Variants in PID1 observed in about 807,000 individuals in gnomAD.
PID1 encodes the protein phosphotyrosine interaction domain containing 1.
In PID1, 10 loss-of-function variants were observed where a neutral mutation model predicts 19.1. That is an observed-to-expected ratio of 0.52 (90% CI 0.32 to 0.89). The LOEUF (loss-of-function observed/expected upper bound fraction) is 0.89, where lower values mean the gene tolerates loss of function less well. Among genes scored for constraint, PID1 ranks in the 40% least tolerant of loss-of-function variants. The pLI is 0.03. For synonymous variants in PID1, 130 were observed against 116.0 expected (o/e 1.12, Z -0.78); for missense variants, 248 against 285.3 (o/e 0.87, Z 0.94).
chr2:229,237,227 A>G (rs1361401382), intron 1 of PID1, among the ~76,000 whole-genome samples: 2 of 152,198 alleles, frequency 1.3e-5, no homozygotes, highest in African/African-American at 2.4e-5. Context: ...CTTTCTGTGA[A>G]TATGTTCAAG....
At chr2:229,147,830 G>T (rs1690166522) in intron 2 of PID1, among the ~76,000 whole-genome samples, 1 of 152,126 alleles carries the variant, frequency 6.6e-6, no homozygotes, top group Admixed American at 6.6e-5. Flanking sequence ...CAAAAGTTGG[G>T]CTTTAATGTC....
intron 2 of PID1, among the ~76,000 whole-genome samples, chr2:229,051,651 A>C (rs186022971): frequency 6.6e-4 from 100 of 152,312 alleles, no homozygotes; most frequent in African/African-American, 2.3e-3. Context: ...TTTAAAGCTA[A>C]CAGTCCATTA....
chr2:229,094,820 T>C (rs938605421), intron 2 of PID1, among the ~76,000 whole-genome samples: 8 of 151,788 alleles, frequency 5.3e-5, no homozygotes, highest in Non-Finnish European at 1.5e-5. Context: ...AAAGGCCTAA[T>C]ATCTACAAGA....
intron 1 of PID1, among the ~76,000 whole-genome samples, chr2:229,159,908 G>C (rs1690458082): frequency 6.6e-6 from 1 of 152,144 alleles, no homozygotes; most frequent in Non-Finnish European, 1.5e-5. Flanking sequence ...ACAGGGGACA[G>C]TGGTCTGGAA....
At chr2:229,069,131 C>T (rs558010700) in intron 2 of PID1, among the ~76,000 whole-genome samples, 3 of 94,342 alleles carry the variant, frequency 3.2e-5, no homozygotes, top group Admixed American at 1.2e-4. Flanking sequence ...CTTTCTTTAA[C>T]GAGAAGGGTT....
At chr2:229,210,525 CAA>C (rs1170895327) in intron 1 of PID1, among the ~76,000 whole-genome samples, 14 of 15,546 alleles carry the variant, frequency 9.0e-4, no homozygotes, top group South Asian at 6.8e-3. Context: ...AGTTTTGTCT[CAA>C]AAAAAAAAAA....
intron 1 of PID1, among the ~76,000 whole-genome samples, chr2:229,206,168 C>A (rs1260463363): frequency 6.6e-6 from 1 of 151,756 alleles, no homozygotes; most frequent in Non-Finnish European, 1.5e-5. Flanking sequence ...TCGGATTCAT[C>A]TGAAGCCACA....
intron 2 of PID1, among the ~76,000 whole-genome samples, chr2:229,133,385 C>T (rs1224642279): frequency 6.6e-6 from 1 of 152,228 alleles, no homozygotes; most frequent in Admixed American, 6.5e-5. Flanking sequence ...CTCTTCATTC[C>T]CTGTGACTTG....
chr2:229,110,108 T>C (rs1354981435), intron 2 of PID1, among the ~76,000 whole-genome samples: 2 of 152,200 alleles, frequency 1.3e-5, no homozygotes, highest in Non-Finnish European at 2.9e-5. Context: ...TGTAACCTAG[T>C]AGTACTCTTA....
At chr2:229,149,062 C>T (rs2106188833) in intron 2 of PID1, among the ~76,000 whole-genome samples, 1 of 149,392 alleles carries the variant, frequency 6.7e-6, no homozygotes, top group African/African-American at 2.4e-5. Context: ...ATATTAGATT[C>T]TATGTAAATT....
intron 1 of PID1, among the ~76,000 whole-genome samples, chr2:229,162,406 T>G (rs533667448): frequency 1.3e-5 from 2 of 152,256 alleles, no homozygotes; most frequent in Non-Finnish European, 2.9e-5. Flanking sequence ...AGGCAAAGCC[T>G]GCTTAATGTT....
intron 2 of PID1, among the ~76,000 whole-genome samples, chr2:229,130,363 G>C (rs1241441003): frequency 6.6e-6 from 1 of 152,170 alleles, no homozygotes; most frequent in Non-Finnish European, 1.5e-5. Flanking sequence ...GTGATGCCTG[G>C]GGGACAGTGA....
chr2:229,227,376 C>G (rs1414170476), intron 1 of PID1, among the ~76,000 whole-genome samples: 3 of 152,232 alleles, frequency 2.0e-5, no homozygotes, highest in African/African-American at 7.2e-5. Context: ...TTCATCATCA[C>G]AGATAGTTCT....
chr2:229,031,215 C>CAAAAAAAAAAAAA (rs3083804), intron 2 of PID1, among the ~76,000 whole-genome samples: 28 of 68,396 alleles, frequency 4.1e-4, no homozygotes, highest in African/African-American at 1.1e-3. Context: ...GACTCTGTCT[C>CAAAAAAAAAAAAA]AAAAAAAAAA....
chr2:229,103,876 C>T (rs1695122125), intron 2 of PID1, among the ~76,000 whole-genome samples: 1 of 152,198 alleles, frequency 6.6e-6, no homozygotes, highest in Non-Finnish European at 1.5e-5. Context: ...CACACCCAGC[C>T]TATGCTGGAT....
intron 1 of PID1, among the ~76,000 whole-genome samples, chr2:229,236,812 G>A (rs1357114648): frequency 1.3e-5 from 2 of 152,010 alleles, no homozygotes; most frequent in Non-Finnish European, 2.9e-5. Context: ...AGCAGGGTAG[G>A]CAAACTATAC....
chr2:229,066,540 C>A (rs1297789533), intron 2 of PID1, among the ~76,000 whole-genome samples: 1 of 151,966 alleles, frequency 6.6e-6, no homozygotes, highest in Non-Finnish European at 1.5e-5. Context: ...ACTTCCATAT[C>A]CTGGATGAAG....
At chr2:229,237,791 A>G (rs946585659) in intron 1 of PID1, among the ~76,000 whole-genome samples, 19 of 152,238 alleles carry the variant, frequency 1.2e-4, no homozygotes, top group African/African-American at 3.6e-4. Flanking sequence ...CTGATATCAG[A>G]ATGACTGATA....
intron 2 of PID1, among the ~76,000 whole-genome samples, chr2:229,075,139 C>T (rs1694531919): frequency 6.6e-6 from 1 of 152,186 alleles, no homozygotes; most frequent in Non-Finnish European, 1.5e-5. Context: ...AACACAAAGC[C>T]TATTTTAAAA....
Sources: gnomAD v4.1 joint callset for allele counts (sites outside exome capture counted in the v4.1 genomes callset) on GRCh38, gnomAD v4.1.1 for gene constraint, MANE v1.5 for transcripts, NCBI Gene and HGNC (gene_info 2026-07-23, HGNC 2026-07-21) for gene names.